SAP130: variants seen among roughly 807,000 people sequenced by gnomAD.
SAP130 encodes the protein Sin3A associated protein 130, also known as histone deacetylase complex subunit SAP130.
SAP130 carries 16 observed loss-of-function variants against 103.2 expected under a neutral mutation model. The observed-to-expected ratio is 0.16, with a 90% CI of 0.10 to 0.24. SAP130 has a LOEUF of 0.24. Among genes scored for constraint, SAP130 ranks in the 10% least tolerant of loss-of-function variants. SAP130 has a pLI of 1.00. For synonymous variants in SAP130, 477 were observed against 497.0 expected (o/e 0.96, Z 0.53); for missense variants, 990 against 1,359.7 (o/e 0.73, Z 4.28).
At chr2:128,017,276 C>T (rs1185111007) in intron 3 of SAP130, among the ~76,000 whole-genome samples, 2 of 152,042 alleles carry the variant, frequency 1.3e-5, no homozygotes, top group African/African-American at 4.8e-5. Flanking sequence ...GAGCCAAGAT[C>T]GCACCACTGC....
In SAP130 at chr2:127,955,629, G is replaced by C. The variant is rs187368408; in HGVS notation, c.2064-285C>G. On this transcript the variant is annotated intron_variant, in intron 15 of 20. Coordinates refer to ENST00000643581, the MANE Select transcript of SAP130 (RefSeq NM_001330301.2). The surrounding 1 kb of genome is among the most constrained non-coding windows in gnomAD (Gnocchi z 4.9). ...ATCCTCCCGAGTAGCTGAGACTACA[G>C]GTGTGTGCCACCATGCCAGGCTAAT... Among the ~76,000 whole-genome samples, 4 of 152,096 alleles carry C rather than the reference G, an allele frequency of 2.6e-5. No homozygotes were observed. Among genetic ancestry groups the C allele is most frequent in the Admixed American group, 6.6e-5 (1 of 15,264 alleles).
intron 2 of SAP130, among the ~76,000 whole-genome samples, chr2:128,022,139 A>G (rs1685202517): frequency 1.3e-5 from 2 of 152,334 alleles, no homozygotes; most frequent in South Asian, 4.1e-4. Context: ...TTCTCCAGAA[A>G]CCACTGATCT....
chr2:128,000,492 G>A (rs1379982837), intron 7 of SAP130, 38 bp from the exon 8 acceptor site: 2 of 1,610,810 alleles, frequency 1.2e-6, no homozygotes, highest in Non-Finnish European at 1.7e-6. Flanking sequence ...GATGGGCAAG[G>A]TCATTTACAA....
intron 14 of SAP130, among the ~76,000 whole-genome samples, chr2:127,980,956 G>A (rs1681825351): frequency 6.6e-6 from 1 of 151,872 alleles, no homozygotes; most frequent in Non-Finnish European, 1.5e-5. Context: ...AAAACCGAGT[G>A]ATGAAAGTCA....
chr2:127,959,947 C>A (rs951408783), intron 15 of SAP130, among the ~76,000 whole-genome samples: 1 of 152,144 alleles, frequency 6.6e-6, no homozygotes, highest in Non-Finnish European at 1.5e-5. Context: ...TGGCTCTTCA[C>A]AGGCATGATC....
At chr2:128,014,033 A>T (rs1049008543) in intron 5 of SAP130, among the ~76,000 whole-genome samples, 8 of 152,232 alleles carry the variant, frequency 5.3e-5, no homozygotes, top group Non-Finnish European at 8.8e-5. Flanking sequence ...TGTTGCAGAT[A>T]AGCAGTCTAA....
intron 15 of SAP130, among the ~76,000 whole-genome samples, chr2:127,970,203 G>A (rs2104866603): frequency 1.3e-5 from 2 of 149,016 alleles, no homozygotes; most frequent in East Asian, 2.0e-4. Flanking sequence ...ACTCCAGCCT[G>A]GGTGGGAGAC....
chr2:127,982,311 GA>G (rs929104279), intron 14 of SAP130, among the ~76,000 whole-genome samples: 6 of 152,284 alleles, frequency 3.9e-5, no homozygotes, highest in Middle Eastern at 3.4e-3. Context: ...CCGTAGGAGA[GA>G]GGGGGAGAAG....
chr2:127,944,901 C>CAAAAAAAAA (rs1188253573), intron 19 of SAP130, among the ~76,000 whole-genome samples: 5 of 77,542 alleles, frequency 6.4e-5, no homozygotes, highest in African/African-American at 2.1e-4. Context: ...GACCTTGTCT[C>CAAAAAAAAA]AAAAAAAAAA....
chr2:127,980,445 C>G (rs1171132199), intron 14 of SAP130, among the ~76,000 whole-genome samples: 1 of 152,006 alleles, frequency 6.6e-6, no homozygotes, highest in Admixed American at 6.6e-5. Context: ...TGGGTAAAAC[C>G]ACGCAGAAAA....
Position 127,989,102 on chromosome 2 carries a change from C to CA in SAP130, c.1780+461_1780+462insT, listed in dbSNP as rs1310255379. On this transcript the variant is annotated intron_variant, in intron 13 of 20. Coordinates refer to ENST00000643581, the MANE Select transcript of SAP130 (RefSeq NM_001330301.2). This position sits in a 1 kb window ranked among gnomAD's most constrained non-coding sequence, Gnocchi z 4.6. The stretch of plus-strand genomic sequence containing the variant: ...CTAGGGCTGTTGATGTATACTGTAT[C>CA]TTTTTTTTTTTTTGGAGACAGAGTC... 7.0e-6 allele frequency among the ~76,000 whole-genome samples: 1 copy of CA among 143,664 alleles called. No individual in the cohort carries two copies. Among genetic ancestry groups the CA allele is most frequent in the African/African-American group, 2.5e-5 (1 of 39,408 alleles). 94.2% of individuals were successfully genotyped at this position (143,664 alleles called of 152,430 possible). A position where few individuals can be genotyped will look rare whatever the true frequency, so the allele number is the denominator to read the frequency against.
At chr2:128,020,202 T>C (rs1054497003) in intron 2 of SAP130, among the ~76,000 whole-genome samples, 7 of 152,192 alleles carry the variant, frequency 4.6e-5, no homozygotes, top group African/African-American at 1.4e-4. Context: ...AGTGCACAAA[T>C]GTTAGCTGTG....
At position 127,942,090 on chromosome 2, in the gene SAP130, A is replaced by T. The variant is rs1390515629; in HGVS notation, c.3090T>A (p.Asp1030Glu). ...EARDSMLKVL[D>E]HKDRVLKLLN... ...GCAGCTTCAGGACACGGTCTTTATG[A>T]TCTAAAACCTTAAGCATGGAGTCTC... The change falls in exon 21 of 21, where the codon GAT (aspartate) becomes GAA (glutamate). Residue 1030 changes from aspartate (D) to glutamate (E), a missense_variant. Asp to Glu is a conservative substitution (Grantham distance 45). Around this residue, in one of 6 missense-constraint regions of SAP130, gnomAD observed 69 missense variants for 165.7 expected, o/e 0.42. Coordinates refer to ENST00000643581, the MANE Select transcript of SAP130 (RefSeq NM_001330301.2). The surrounding 1 kb of genome is among the most constrained non-coding windows in gnomAD (Gnocchi z 4.8). 2 of 1,609,836 alleles carry T rather than the reference A, an allele frequency of 1.2e-6. No homozygotes were observed. Among genetic ancestry groups the T allele is most frequent in the Non-Finnish European group, 1.7e-6 (2 of 1,178,864 alleles).
rs111725958 is a variant in SAP130 at position 127,974,551 on chromosome 2, C to T, written c.2063+3434G>A. On this transcript the variant is annotated intron_variant, in intron 15 of 20. Coordinates refer to ENST00000643581, the MANE Select transcript of SAP130 (RefSeq NM_001330301.2). ...ATTTCTGGCCGGGCGCGGTGGTGCA[C>T]GCCTGTAATCCCAGCACTTGGGGAG... Among the ~76,000 whole-genome samples the T allele has an allele frequency of 7.8e-4, 119 of 152,178 alleles. 1 individual carries two copies. Among genetic ancestry groups the T allele is most frequent in the African/African-American group, 2.5e-3 (104 of 41,512 alleles).
intron 7 of SAP130, among the ~76,000 whole-genome samples, chr2:128,006,664 C>T (rs554149437): frequency 6.6e-6 from 1 of 152,162 alleles, no homozygotes; most frequent in African/African-American, 2.4e-5. Flanking sequence ...TGCCCGTAGT[C>T]CCAGCTTTGG....
At chr2:127,976,667 T>C (rs748338960) in intron 15 of SAP130, among the ~76,000 whole-genome samples, 1 of 152,212 alleles carries the variant, frequency 6.6e-6, no homozygotes, top group Non-Finnish European at 1.5e-5. Flanking sequence ...ATCCCAACAC[T>C]TTGGGAGGCC....
At chr2:127,947,764 CTGTGTGTGTGTG>C (rs1553500423) in intron 18 of SAP130, among the ~76,000 whole-genome samples, 2 of 143,312 alleles carry the variant, frequency 1.4e-5, no homozygotes, top group African/African-American at 2.6e-5. Context: ...TTGTGTGTGT[CTGTGTGTGTGTG>C]TGTGTGTGTG....
intron 7 of SAP130, among the ~76,000 whole-genome samples, chr2:128,003,833 AAAAAGCAG>A (rs1267631145): frequency 6.6e-6 from 1 of 152,106 alleles, no homozygotes; most frequent in East Asian, 1.9e-4. Flanking sequence ...TCCCCAATCC[AAAAAGCAG>A]AAATGCTTCA....
At chr2:127,964,798 A>C (rs1202787241) in intron 15 of SAP130, among the ~76,000 whole-genome samples, 1 of 151,860 alleles carries the variant, frequency 6.6e-6, no homozygotes, top group Non-Finnish European at 1.5e-5. Flanking sequence ...GAAGTTCGAG[A>C]CCAGCCTGGC....
Sources: gnomAD v4.1 joint callset for allele counts (sites outside exome capture counted in the v4.1 genomes callset) on GRCh38, gnomAD v4.1.1 for gene constraint, gnomAD v4.1.1 regional missense constraint, Gnocchi (gnomAD v3.1) non-coding constraint, MANE v1.5 for transcripts, NCBI Gene and HGNC (gene_info 2026-07-23, HGNC 2026-07-21) for gene names.